The following TENM1 variants were observed in gnomAD, a reference collection of about 807,000 sequenced individuals.
TENM1 encodes teneurin-1.
In TENM1, 35 loss-of-function variants were observed where a neutral mutation model predicts 174.8. That is an observed-to-expected ratio of 0.20 (90% CI 0.15 to 0.27). The LOEUF is 0.27. Ranked by LOEUF, TENM1 falls within the 10% of genes least tolerant of loss-of-function variation. The pLI, the probability that TENM1 is intolerant of heterozygous loss-of-function variation, is 1.00. For missense variants in TENM1, 1,633 were observed against 2,130.1 expected, an observed-to-expected ratio of 0.77 and a Z score of 4.59; for synonymous variants, 781 against 798.7, an observed-to-expected ratio of 0.98 and a Z score of 0.37.
chrX:125,057,726 A>C, the TENM1 span, among the ~76,000 whole-genome samples: 1 of 111,339 alleles, frequency 9.0e-6, no homozygotes, highest in African/African-American at 3.3e-5. Context: ...AAATATCTGA[A>C]ATCTGTTCAA....
intron 3 of TENM1, among the ~76,000 whole-genome samples, chrX:124,851,000 ACAATTTGCTG>A (rs200779317): frequency 0.04 from 4,458 of 111,726 alleles, 104 homozygotes; most frequent in Non-Finnish European, 0.064. Flanking sequence ...TGCTATAGCT[ACAATTTGCTG>A]CAATTTGCTG....
chrX:125,153,896 C>T, the TENM1 span, among the ~76,000 whole-genome samples: 22 of 112,397 alleles, frequency 2.0e-4, no homozygotes, highest in South Asian at 7.8e-3. Flanking sequence ...TTGTCATTTT[C>T]ACTACATGTA....
At chrX:125,126,058 C>T in the TENM1 span, among the ~76,000 whole-genome samples, 1,128 of 111,984 alleles carry the variant, frequency 0.01, 18 homozygotes, top group African/African-American at 0.034. Context: ...TACTTCAATG[C>T]ACACTAAGCC....
At chrX:124,756,256 A>T (rs1391424265) in intron 3 of TENM1, among the ~76,000 whole-genome samples, 1 of 102,370 alleles carries the variant, frequency 9.8e-6, no homozygotes, top group African/African-American at 4.0e-5. Flanking sequence ...TCCATCACTG[A>T]TACCCTTTAT....
intron 1 of TENM1, among the ~76,000 whole-genome samples, chrX:124,938,030 T>A (rs2058272734): frequency 8.9e-6 from 1 of 111,934 alleles, no homozygotes; most frequent in Non-Finnish European, 1.9e-5. Flanking sequence ...GAAAATACAT[T>A]GTAATATAAC....
chrX:124,872,620 T>C (rs1264852407), intron 3 of TENM1, among the ~76,000 whole-genome samples: 3 of 112,290 alleles, frequency 2.7e-5, no homozygotes, highest in Non-Finnish European at 3.8e-5. Flanking sequence ...ACTGCTGAAA[T>C]TGTTAAATGA....
At chrX:124,906,699 A>ACATCCAT (rs1312610802) in intron 1 of TENM1, among the ~76,000 whole-genome samples, 2 of 112,320 alleles carry the variant, frequency 1.8e-5, no homozygotes, top group African/African-American at 6.5e-5. Context: ...AAACTCTGGT[A>ACATCCAT]CATCCATACA....
chrX:124,405,361 G>A, intron 26 of TENM1, 95 bp from the exon 30 acceptor site: 2 of 691,879 alleles, frequency 2.9e-6, no homozygotes. Flanking sequence ...CACGTTTGGG[G>A]GATAAGCAGG....
At chrX:124,742,780 TATTA>T (rs1174213254) in intron 3 of TENM1, among the ~76,000 whole-genome samples, 1 of 110,564 alleles carries the variant, frequency 9.0e-6, no homozygotes, top group Non-Finnish European at 1.9e-5. Context: ...TATGAGGCAA[TATTA>T]ATTAATGCCT....
At chrX:124,837,246 G>T (rs1026046229) in intron 3 of TENM1, among the ~76,000 whole-genome samples, 7 of 111,744 alleles carry the variant, frequency 6.3e-5, no homozygotes, top group Non-Finnish European at 1.1e-4. Flanking sequence ...GCACCACCAT[G>T]CCCGGCTAAT....
At chrX:124,997,056 A>G in the TENM1 span, among the ~76,000 whole-genome samples, 1 of 111,733 alleles carries the variant, frequency 8.9e-6, no homozygotes, top group African/African-American at 3.2e-5. Flanking sequence ...AGAAGGAAGA[A>G]TATAACTGAT....
intron 4 of TENM1, among the ~76,000 whole-genome samples, chrX:124,706,741 C>T (rs893654817): frequency 1.8e-5 from 2 of 111,715 alleles, no homozygotes; most frequent in African/African-American, 6.5e-5. Context: ...TACTTTTATA[C>T]TTGCTAAGTG....
the TENM1 span, among the ~76,000 whole-genome samples, chrX:125,049,657 A>C: frequency 8.9e-6 from 1 of 111,883 alleles, no homozygotes; most frequent in Non-Finnish European, 1.9e-5. Context: ...TTCACAAGCA[A>C]TGTATAAGTG....
the TENM1 span, among the ~76,000 whole-genome samples, chrX:125,084,673 T>C: frequency 1.8e-5 from 2 of 110,954 alleles, no homozygotes; most frequent in East Asian, 5.7e-4. Context: ...AACTAACTGG[T>C]AGCCAGGCTG....
At chrX:124,741,530 C>T (rs751216277) in intron 3 of TENM1, among the ~76,000 whole-genome samples, 8 of 110,299 alleles carry the variant, frequency 7.3e-5, no homozygotes, top group African/African-American at 1.6e-4. Context: ...TAATCAATGA[C>T]GCATTAAAAA....
the TENM1 span, among the ~76,000 whole-genome samples, chrX:125,078,855 A>G: frequency 8.9e-6 from 1 of 111,814 alleles, no homozygotes; most frequent in Non-Finnish European, 1.9e-5. Flanking sequence ...TATATTCTGA[A>G]TGCTTAGTAA....
chrX:124,543,718 G>A (rs1164562820), intron 15 of TENM1, among the ~76,000 whole-genome samples: 3 of 111,817 alleles, frequency 2.7e-5, no homozygotes, highest in Non-Finnish European at 5.6e-5. Context: ...AAACAAACTC[G>A]AGCTACAGGA....
At chrX:124,448,742 C>A (rs113918715) in intron 23 of TENM1, among the ~76,000 whole-genome samples, 1,592 of 111,653 alleles carry the variant, frequency 0.014, 26 homozygotes, top group African/African-American at 0.049. Flanking sequence ...CTGTGGGAGA[C>A]GGGTTGGATA....
At chrX:124,538,353 GGACA>G (rs1382943128) in intron 15 of TENM1, among the ~76,000 whole-genome samples, 1 of 111,073 alleles carries the variant, frequency 9.0e-6, no homozygotes, top group Non-Finnish European at 1.9e-5. Flanking sequence ...AAAGCAACGG[GGACA>G]GACAAACAGA....
Sources: gnomAD v4.1 joint callset for allele counts (sites outside exome capture counted in the v4.1 genomes callset) on GRCh38, gnomAD v4.1.1 for gene constraint, MANE v1.5 for transcripts, NCBI Gene and HGNC (gene_info 2026-07-23, HGNC 2026-07-21) for gene names.